The following BAHCC1 variants were observed in gnomAD, a reference collection of about 807,000 sequenced individuals.
BAHCC1 encodes BAH and coiled-coil domain-containing protein 1.
Under a neutral mutation model 88.2 loss-of-function variants are expected in BAHCC1, and 43 were observed. The observed-to-expected ratio is 0.49, with a 90% CI of 0.38 to 0.63. BAHCC1 has a LOEUF of 0.63. Among genes scored for constraint, BAHCC1 ranks in the 20% least tolerant of loss-of-function variants. The pLI, the probability that BAHCC1 is intolerant of heterozygous loss-of-function variation, is 0.00. For missense variants in BAHCC1, 3,023 were observed against 1,654.8 expected (o/e 1.83, Z -14.34); for synonymous variants, 1,510 against 745.5 (o/e 2.03, Z -16.71).
chr17:81,438,251 G>A, intron 3 of BAHCC1, 119 bp from the exon 4 acceptor site: 2 of 689,842 alleles, frequency 2.9e-6, no homozygotes, highest in Admixed American at 2.1e-5. Flanking sequence ...GCTGCGTGCT[G>A]GGCTCTGCGG....
intron 2 of BAHCC1, among the ~76,000 whole-genome samples, chr17:81,413,469 G>A (rs1309815822): frequency 1.3e-5 from 2 of 150,330 alleles, no homozygotes; most frequent in East Asian, 2.0e-4. Flanking sequence ...CCACACCACC[G>A]CCTCCACTCT....
intron 2 of BAHCC1, among the ~76,000 whole-genome samples, chr17:81,416,574 T>TGTGC (rs1555648779): frequency 2.3e-4 from 34 of 147,708 alleles, no homozygotes; most frequent in Admixed American, 2.0e-4. Flanking sequence ...TATGTGCGTG[T>TGTGC]GTGTGTGTCC....
Position 81,399,618 on chromosome 17 carries a change from C to A in BAHCC1, c.-122C>A. 1 of 625,250 alleles carries A rather than the reference C, an allele frequency of 1.6e-6. No individual in the cohort carries two copies. Among genetic ancestry groups the A allele is most frequent in the Admixed American group, 3.8e-5 (1 of 25,978 alleles). 38.7% of individuals were successfully genotyped at this position (625,250 alleles called of 1,614,324 possible). A position where few individuals can be genotyped will look rare whatever the true frequency, so the allele number is the denominator to read the frequency against. ...TCCTCCCGCGTGCTGACCGGCCCCG[C>A]CGCCACCACCGCCTGTGACCCCGGA... On this transcript the variant is annotated 5_prime_UTR_variant, in exon 2 of 28. Coordinates refer to ENST00000675386, the MANE Select transcript of BAHCC1 (RefSeq NM_001377448.1). This position sits in a 1 kb window ranked among gnomAD's most constrained non-coding sequence, Gnocchi z 4.5.
At chr17:81,445,827 TCTCTTCC>T in intron 10 of BAHCC1, 146 bp downstream of exon 10, 1 of 598,814 alleles carries the variant, frequency 1.7e-6, no homozygotes, top group African/African-American at 1.9e-5. Context: ...TCCCTTCCTC[TCTCTTCC>T]CTCTTCCCAG....
intron 11 of BAHCC1, among the ~76,000 whole-genome samples, chr17:81,450,057 C>G (rs567555947): frequency 6.6e-6 from 1 of 152,302 alleles, no homozygotes; most frequent in African/African-American, 2.4e-5. Flanking sequence ...AGCCATATCT[C>G]TGGGGAGCCC....
chr17:81,452,691 G>GA lies in BAHCC1; in HGVS notation c.4317-31dup, dbSNP rs782063446. On this transcript the variant is annotated intron_variant, in intron 13 of 27. Coordinates refer to ENST00000675386, the MANE Select transcript of BAHCC1 (RefSeq NM_001377448.1). ...CTTGTCGGGGAGCTGGGTTGTGCAT[G>GA]AGCCTCTGACCATCCCCCCTGCGGC... 8.2e-6 allele frequency: 6 copies of GA among 728,696 alleles called. No homozygotes were observed. The East Asian group carries it at 1.7e-4, about 20-fold the overall frequency. 45.1% of individuals were successfully genotyped at this position (728,696 alleles called of 1,614,324 possible).
rs782595212 is a variant in BAHCC1 at position 81,460,934 on chromosome 17, C to T, written c.6271C>T (p.Arg2091Cys). ...GGCCTCCGACCACTTCCTGGGCCGC[C>T]GTGGCAGCCCCTTGCTGAGCTGGTC... ...TGASDHFLGR[R>C]GSPLLSWSAV... Residue 2091 changes from arginine to cysteine, a missense_variant, in exon 26 of 28, where the codon CGT (arginine) becomes TGT (cysteine). Arg to Cys is a radical substitution (Grantham distance 180). Coordinates refer to ENST00000675386, the MANE Select transcript of BAHCC1 (RefSeq NM_001377448.1). 13 of 770,028 alleles carry T rather than the reference C, an allele frequency of 1.7e-5. No individual in the cohort carries two copies. Among genetic ancestry groups the T allele is most frequent in the Middle Eastern group, 2.3e-4 (1 of 4,440 alleles). 47.7% of individuals were successfully genotyped at this position (770,028 alleles called of 1,614,324 possible).
At chr17:81,451,255 G>A (rs994974333) in intron 11 of BAHCC1, 5 of 189,092 alleles carry the variant, frequency 2.6e-5, no homozygotes, top group Admixed American at 5.9e-5. Flanking sequence ...GTGGGCTCTC[G>A]TAGCACTGCC....
Position 81,447,269 on chromosome 17 carries a change from AC to A in BAHCC1, c.3402del (p.Tyr1135ThrfsTer17). On this transcript the variant is annotated frameshift_variant, in exon 11 of 28. Transcript: ENST00000675386. LOFTEE classifies it high-confidence loss of function. The stretch of plus-strand genomic sequence containing the variant: ...GGAGGCCACCCAGGACCTTGCCGCC[AC>A]CCCCTACCCTACCGAGCGGGGACCC... ...AREATQDLAA[T>X]PYPTERGPQG... 2.8e-6 allele frequency: 2 copies of A among 704,640 alleles called. No homozygotes were observed. The highest frequency in any genetic ancestry group is 5.2e-6 in the Non-Finnish European group (2 of 385,300). The allele number at this position is 704,640 out of a possible 1,614,324, so 43.6% of individuals were successfully genotyped here. A position where few individuals can be genotyped will look rare whatever the true frequency, so the allele number is the denominator to read the frequency against.
At chr17:81,417,652 C>A (rs1483197195) in intron 2 of BAHCC1, among the ~76,000 whole-genome samples, 1 of 146,654 alleles carries the variant, frequency 6.8e-6, no homozygotes, top group Non-Finnish European at 1.5e-5. Flanking sequence ...TCTGGGCTGT[C>A]GGTGGCTGAG....
chr17:81,455,437 T>G (rs1392173794), intron 15 of BAHCC1, 47 bp downstream of exon 15: 1 of 706,274 alleles, frequency 1.4e-6, no homozygotes, highest in African/African-American at 1.8e-5. Context: ...TCAGGTCCCT[T>G]CAGGTCCCTT....
chr17:81,446,634 G>T, intron 10 of BAHCC1: 7 of 340,522 alleles, frequency 2.1e-5, no homozygotes, highest in South Asian at 1.5e-4. Flanking sequence ...CTGCAGCCTC[G>T]GCCTCCTGGG....
chr17:81,418,783 GTGTACGTGTGTGCGTGTGTGTGTGTA>G (rs1354856995), intron 2 of BAHCC1, among the ~76,000 whole-genome samples: 4 of 102,976 alleles, frequency 3.9e-5, no homozygotes, highest in African/African-American at 1.6e-4. Flanking sequence ...GTACGTGTGT[GTGTACGTGTGTGCGTGTGTGTGTGTA>G]CGTGTGTGTG....
At chr17:81,419,083 G>A (rs1555649249) in intron 2 of BAHCC1, among the ~76,000 whole-genome samples, 1 of 152,110 alleles carries the variant, frequency 6.6e-6, no homozygotes, top group Non-Finnish European at 1.5e-5. Flanking sequence ...GTATCTGGGG[G>A]TTGAGCCTGC....
chr17:81,456,216 A>C (rs1000051684), intron 15 of BAHCC1, 81 bp from the exon 16 acceptor site: 33 of 662,990 alleles, frequency 5.0e-5, no homozygotes, highest in Non-Finnish European at 7.4e-5. Context: ...GCCGGGCATC[A>C]ACAGAGAGGC....
intron 3 of BAHCC1, 117 bp from the exon 4 acceptor site, chr17:81,438,253 G>A (rs1555651996): frequency 2.6e-5 from 18 of 694,674 alleles, no homozygotes. Flanking sequence ...TGCGTGCTGG[G>A]CTCTGCGGGA....
At chr17:81,416,417 TC>T (rs1568001335) in intron 2 of BAHCC1, among the ~76,000 whole-genome samples, 17 of 93,918 alleles carry the variant, frequency 1.8e-4, no homozygotes. Context: ...TGTATGTGTG[TC>T]CATGAGGGTG....
intron 2 of BAHCC1, among the ~76,000 whole-genome samples, chr17:81,406,754 AG>A (rs1249732050): frequency 6.6e-6 from 1 of 152,104 alleles, no homozygotes; most frequent in African/African-American, 2.4e-5. Flanking sequence ...GTGTGCGCTG[AG>A]GGGATGTGGT....
At chr17:81,437,185 C>A (rs1177627935) in intron 3 of BAHCC1, among the ~76,000 whole-genome samples, 2 of 152,224 alleles carry the variant, frequency 1.3e-5, no homozygotes, top group East Asian at 1.9e-4. Flanking sequence ...GCGTTCATTC[C>A]GGCAGGTTGA....
Sources: gnomAD v4.1 joint callset for allele counts (sites outside exome capture counted in the v4.1 genomes callset) on GRCh38, gnomAD v4.1.1 for gene constraint, Gnocchi (gnomAD v3.1) non-coding constraint, MANE v1.5 for transcripts, NCBI Gene and HGNC (gene_info 2026-07-23, HGNC 2026-07-21) for gene names.